The following ZDHHC20 variants were observed in gnomAD, a reference collection of about 807,000 sequenced individuals.
The protein encoded by ZDHHC20 is zDHHC palmitoyltransferase 20.
ZDHHC20 carries 43 observed loss-of-function variants against 57.8 expected under a neutral mutation model. The ratio of observed to expected loss-of-function variants is 0.74; its 90% CI spans 0.58 to 0.96. The LOEUF (loss-of-function observed/expected upper bound fraction) is 0.96, where lower values mean the gene tolerates loss of function less well. ZDHHC20 is among the 40% of genes least tolerant of loss of function. ZDHHC20 has a pLI of 0.00. For synonymous variants in ZDHHC20, 157 were observed against 153.0 expected (o/e 1.03, Z -0.19); for missense variants, 391 against 441.1 (o/e 0.89, Z 1.02).
chr13:21,455,697 C>T (rs1483534292), intron 1 of ZDHHC20, among the ~76,000 whole-genome samples: 1 of 150,990 alleles, frequency 6.6e-6, no homozygotes, highest in African/African-American at 2.4e-5. Flanking sequence ...TAGCAAGTTA[C>T]AGAGGGTAAG....
Position 21,437,024 on chromosome 13 carries a change from A to G in ZDHHC20, c.119-11346T>C, listed in dbSNP as rs114423850. ...AAAGTACTACTCCAGTGAATAGATG[A>G]ATAAGAAAGTGCAATGAGGCTGATA... On this transcript the variant is annotated intron_variant, in intron 1 of 12. Transcript: ENST00000400590. Among the ~76,000 whole-genome samples, 288 of 152,344 alleles carry G rather than the reference A, an allele frequency of 1.9e-3. 1 individual carries two copies. The highest frequency in any genetic ancestry group is 6.6e-3 in the African/African-American group (276 of 41,584).
At chr13:21,437,771 C>T (rs1457962784) in intron 1 of ZDHHC20, among the ~76,000 whole-genome samples, 1 of 151,892 alleles carries the variant, frequency 6.6e-6, no homozygotes, top group Non-Finnish European at 1.5e-5. Context: ...AGCTCACTGC[C>T]ACCTCCACCT....
chr13:21,413,857 GA>G lies in ZDHHC20; in HGVS notation c.250-86del, dbSNP rs1021954825. The G allele has an allele frequency of 2.3e-5, 27 of 1,182,574 alleles. No individual in the cohort carries two copies. The African/African-American group carries it at 4.0e-4, about 18-fold the overall frequency. The allele number at this position is 1,182,574 out of a possible 1,614,324, so 73.3% of individuals were successfully genotyped here. On this transcript the variant is annotated intron_variant, in intron 3 of 12. Coordinates refer to ENST00000400590, the MANE Select transcript of ZDHHC20 (RefSeq NM_001330059.2). ...CAGAAAAAGTTTTATCTAGAAAAAA[GA>G]AAACCAAAAACTATTTTATGAAGAC... is the stretch of plus-strand genomic sequence containing the variant.
At chr13:21,436,841 AG>A (rs1882600407) in intron 1 of ZDHHC20, among the ~76,000 whole-genome samples, 1 of 152,236 alleles carries the variant, frequency 6.6e-6, no homozygotes, top group Non-Finnish European at 1.5e-5. Flanking sequence ...GATAAACGCT[AG>A]GCCTCTTGGG....
At chr13:21,394,751 G>A (rs2137753688) in intron 7 of ZDHHC20, among the ~76,000 whole-genome samples, 1 of 152,274 alleles carries the variant, frequency 6.6e-6, no homozygotes, top group Non-Finnish European at 1.5e-5. Flanking sequence ...TAAGGGGTAT[G>A]GTTAGTATGT....
chr13:21,423,373 T>C (rs954266412), intron 2 of ZDHHC20, among the ~76,000 whole-genome samples: 3 of 152,208 alleles, frequency 2.0e-5, no homozygotes, highest in Admixed American at 2.0e-4. Flanking sequence ...GTGTACCCAA[T>C]GGACTCAGTA....
chr13:21,443,052 T>C (rs1245593643), intron 1 of ZDHHC20, among the ~76,000 whole-genome samples: 1 of 152,242 alleles, frequency 6.6e-6, no homozygotes, highest in Non-Finnish European at 1.5e-5. Flanking sequence ...GTTACTTCAA[T>C]GAAGTACAGT....
intron 1 of ZDHHC20, among the ~76,000 whole-genome samples, chr13:21,429,051 G>C (rs1881620361): frequency 6.6e-6 from 1 of 152,088 alleles, no homozygotes; most frequent in African/African-American, 2.4e-5. Context: ...CATGAGGGCT[G>C]GCTATGTCCT....
At chr13:21,400,229 C>A in intron 7 of ZDHHC20, 144 bp downstream of exon 7, 1 of 684,754 alleles carries the variant, frequency 1.5e-6, no homozygotes, top group Non-Finnish European at 2.2e-6. Flanking sequence ...AAATTGTAGC[C>A]CTATCTGTCC....
intron 1 of ZDHHC20, among the ~76,000 whole-genome samples, chr13:21,449,070 A>G (rs1357171030): frequency 6.0e-5 from 8 of 132,846 alleles, no homozygotes; most frequent in African/African-American, 1.7e-4. Context: ...AATCAGGGAC[A>G]CAAACACTGC....
chr13:21,393,826 C>G (rs1378934764), intron 7 of ZDHHC20, among the ~76,000 whole-genome samples: 1 of 150,390 alleles, frequency 6.6e-6, no homozygotes, highest in Non-Finnish European at 1.5e-5. Flanking sequence ...TGCTGGACTA[C>G]AGGCGTGAGC....
chr13:21,402,922 G>T, intron 4 of ZDHHC20, 56 bp from the exon 5 acceptor site: 3 of 1,361,852 alleles, frequency 2.2e-6, no homozygotes, highest in South Asian at 2.6e-5. Context: ...TAACTAATTT[G>T]ACATTAAAAC....
chr13:21,442,430 T>C (rs999757008), intron 1 of ZDHHC20, among the ~76,000 whole-genome samples: 1 of 152,206 alleles, frequency 6.6e-6, no homozygotes, highest in Non-Finnish European at 1.5e-5. Flanking sequence ...CAGATCTTCC[T>C]GCTCGCTGAC....
intron 1 of ZDHHC20, among the ~76,000 whole-genome samples, chr13:21,439,021 A>G (rs1882842806): frequency 6.6e-6 from 1 of 152,384 alleles, no homozygotes; most frequent in East Asian, 1.9e-4. Flanking sequence ...ACTACAGTAT[A>G]GGGTGAACGT....
At chr13:21,435,591 T>C (rs1882461725) in intron 1 of ZDHHC20, among the ~76,000 whole-genome samples, 1 of 152,042 alleles carries the variant, frequency 6.6e-6, no homozygotes, top group Non-Finnish European at 1.5e-5. Flanking sequence ...TATATGTGAG[T>C]GAATCAATAA....
Position 21,374,343 on chromosome 13 carries a change from A to T in ZDHHC20, c.*2353T>A. 2.3e-6 allele frequency: 1 copy of T among 441,682 alleles called. No individual in the cohort carries two copies. Among genetic ancestry groups the T allele is most frequent in the Non-Finnish European group, 4.6e-6 (1 of 217,666 alleles). 27.4% of individuals were successfully genotyped at this position (441,682 alleles called of 1,614,324 possible). Reference sequence around the variant, plus strand: ...GGGTTCAAGTGATTCTCCTGCCTCCACCTCCCGAGTAGTTGGGACTACAGG... The same window carrying T: ...GGGTTCAAGTGATTCTCCTGCCTCCTCCTCCCGAGTAGTTGGGACTACAGG... On this transcript the variant is annotated 3_prime_UTR_variant, in exon 13 of 13. Coordinates refer to ENST00000400590, the MANE Select transcript of ZDHHC20 (RefSeq NM_001330059.2).
At chr13:21,406,700 C>A (rs1447405844) in intron 4 of ZDHHC20, among the ~76,000 whole-genome samples, 3 of 152,152 alleles carry the variant, frequency 2.0e-5, no homozygotes, top group Non-Finnish European at 2.9e-5. Flanking sequence ...CATGTCCCTG[C>A]AAAGGACATG....
intron 3 of ZDHHC20, among the ~76,000 whole-genome samples, chr13:21,414,662 C>T (rs576470686): frequency 1.4e-4 from 21 of 151,942 alleles, no homozygotes; most frequent in East Asian, 1.9e-4. Context: ...TGAGCCACCG[C>T]GCCCGGCCTA....
intron 1 of ZDHHC20, among the ~76,000 whole-genome samples, chr13:21,456,451 TA>T (rs1874347244): frequency 6.6e-6 from 1 of 152,158 alleles, no homozygotes; most frequent in East Asian, 1.9e-4. Context: ...CCTATAAAAG[TA>T]TTAAAACAGC....
Sources: allele counts gnomAD v4.1 joint callset (sites outside exome capture counted in the v4.1 genomes callset), GRCh38; gene constraint gnomAD v4.1.1; transcripts MANE v1.5; gene names NCBI Gene and HGNC (gene_info 2026-07-23, HGNC 2026-07-21).